KCNC2: variants seen among roughly 807,000 people sequenced by gnomAD.
KCNC2 encodes the protein potassium voltage-gated channel subfamily C member 2.
In KCNC2, 21 loss-of-function variants were observed where a neutral mutation model predicts 44.5. That is an observed-to-expected ratio of 0.47 (90% CI 0.33 to 0.68). The LOEUF (loss-of-function observed/expected upper bound fraction) is 0.68. Among genes scored for constraint, KCNC2 ranks in the 30% least tolerant of loss-of-function variants. The pLI, the probability that KCNC2 is intolerant of heterozygous loss-of-function variation, is 0.01. For missense variants in KCNC2, 589 were observed against 826.2 expected (o/e 0.71, Z 3.52); for synonymous variants, 391 against 339.1 (o/e 1.15, Z -1.68).
chr12:75,127,139 A>C (rs531675329), intron 2 of KCNC2, among the ~76,000 whole-genome samples: 1 of 152,320 alleles, frequency 6.6e-6, no homozygotes, highest in East Asian at 1.9e-4. Context: ...TGGAAATAAC[A>C]GAATACAGTC....
chr12:75,138,569 A>G (rs191536736), intron 2 of KCNC2, among the ~76,000 whole-genome samples: 7 of 152,204 alleles, frequency 4.6e-5, no homozygotes, highest in East Asian at 1.9e-4. Context: ...CCTTGTGTAC[A>G]CTAAAGTTTG....
chr12:75,128,806 C>T (rs1343721760), intron 2 of KCNC2, among the ~76,000 whole-genome samples: 1 of 152,186 alleles, frequency 6.6e-6, no homozygotes, highest in African/African-American at 2.4e-5. Flanking sequence ...GCCCCATTGT[C>T]TCTTGATTCA....
At chr12:75,158,319 A>G (rs1890893639) in intron 2 of KCNC2, among the ~76,000 whole-genome samples, 1 of 151,942 alleles carries the variant, frequency 6.6e-6, no homozygotes, top group African/African-American at 2.4e-5. Context: ...GAAAACAGTT[A>G]TCTGCACAGC....
At chr12:75,091,747 G>T (rs1474571341) in intron 2 of KCNC2, among the ~76,000 whole-genome samples, 4 of 151,218 alleles carry the variant, frequency 2.6e-5, no homozygotes, top group Non-Finnish European at 4.4e-5. Flanking sequence ...AAATGAGTAG[G>T]CACCTATACA....
chr12:75,166,589 A>T (rs1273305642), intron 2 of KCNC2, among the ~76,000 whole-genome samples: 1 of 151,372 alleles, frequency 6.6e-6, no homozygotes, highest in Non-Finnish European at 1.5e-5. Context: ...TAAATCTATA[A>T]GTATTAAAAT....
Position 75,207,382 on chromosome 12 carries a change from G to T in KCNC2, c.602C>A (p.Pro201His). Residue 201 changes from proline (P) to histidine (H), a missense_variant, in exon 2 of 5, where the codon CCC becomes CAC. Pro to His is a moderately conservative substitution (Grantham distance 77). Around this residue, in one of 7 missense-constraint regions of KCNC2, gnomAD observed 97 missense variants for 73.3 expected, o/e 1.32. Coordinates refer to ENST00000549446, the MANE Select transcript of KCNC2 (RefSeq NM_139137.4). This position sits in a 1 kb window ranked among gnomAD's most constrained non-coding sequence, Gnocchi z 4.1. ...CCTCCAGCGGCCAGATTTGCCGTCG[G>T]GGCCCCCGAGCCCCGCCGCGTCCTC... is the stretch of plus-strand genomic sequence containing the variant. ...GIEDAAGLGG[P>H]DGKSGRWRRL... is the part of the protein sequence containing the mutation. 2 of 1,581,166 alleles carry T rather than the reference G, an allele frequency of 1.3e-6. No homozygotes were observed. The highest frequency in any genetic ancestry group is 1.7e-6 in the Non-Finnish European group (2 of 1,165,100).
intron 2 of KCNC2, among the ~76,000 whole-genome samples, chr12:75,137,646 C>T (rs535199457): frequency 3.9e-5 from 6 of 152,162 alleles, no homozygotes; most frequent in Non-Finnish European, 8.8e-5. Context: ...ATGCCAAAAC[C>T]TTTCTATACA....
chr12:75,197,387 A>C (rs771104686), intron 2 of KCNC2, among the ~76,000 whole-genome samples: 10 of 151,560 alleles, frequency 6.6e-5, no homozygotes, highest in Admixed American at 1.3e-4. Context: ...TTTGCTCACT[A>C]CTCCACTGAC....
At chr12:75,074,944 A>T (rs1388437262) in intron 2 of KCNC2, among the ~76,000 whole-genome samples, 2 of 152,184 alleles carry the variant, frequency 1.3e-5, no homozygotes, top group African/African-American at 4.8e-5. Context: ...CAAACTTCAG[A>T]TTATAGAAGT....
At chr12:75,142,444 G>C (rs1253434651) in intron 2 of KCNC2, among the ~76,000 whole-genome samples, 1 of 152,158 alleles carries the variant, frequency 6.6e-6, no homozygotes, top group African/African-American at 2.4e-5. Flanking sequence ...TGAGTAAGTG[G>C]TGTCACTGAT....
At chr12:75,157,355 A>T (rs1216666872) in intron 2 of KCNC2, among the ~76,000 whole-genome samples, 3 of 151,896 alleles carry the variant, frequency 2.0e-5, no homozygotes, top group Non-Finnish European at 4.4e-5. Context: ...AAAGGCTAAA[A>T]GAATCACAGA....
intron 2 of KCNC2, among the ~76,000 whole-genome samples, chr12:75,077,822 T>C (rs1884135234): frequency 6.6e-6 from 1 of 152,140 alleles, no homozygotes; most frequent in South Asian, 2.1e-4. Context: ...TCACTTTGTC[T>C]AGTAACTCTG....
chr12:75,084,959 A>G (rs1884871541), intron 2 of KCNC2, among the ~76,000 whole-genome samples: 1 of 150,856 alleles, frequency 6.6e-6, no homozygotes, highest in Non-Finnish European at 1.5e-5. Context: ...TAATCCATCT[A>G]TCTATCCAAA....
At chr12:75,161,137 G>T (rs984336496) in intron 2 of KCNC2, among the ~76,000 whole-genome samples, 9 of 151,426 alleles carry the variant, frequency 5.9e-5, no homozygotes, top group African/African-American at 1.9e-4. Flanking sequence ...AATTAATGGA[G>T]GTTTAGATAT....
intron 2 of KCNC2, among the ~76,000 whole-genome samples, chr12:75,056,240 C>G (rs1209370956): frequency 1.3e-5 from 2 of 151,958 alleles, no homozygotes; most frequent in South Asian, 2.1e-4. Flanking sequence ...CAGAATCTGC[C>G]TTTTAAAAGT....
chr12:75,096,307 C>T (rs1885919325), intron 2 of KCNC2, among the ~76,000 whole-genome samples: 1 of 151,906 alleles, frequency 6.6e-6, no homozygotes, highest in Non-Finnish European at 1.5e-5. Context: ...GTTCCAGAAA[C>T]TCTTGATTTT....
At chr12:75,157,320 A>T (rs1890829066) in intron 2 of KCNC2, among the ~76,000 whole-genome samples, 2 of 151,910 alleles carry the variant, frequency 1.3e-5, no homozygotes, top group Non-Finnish European at 2.9e-5. Context: ...CTGGAACTCT[A>T]GCAGTCATTT....
intron 2 of KCNC2, among the ~76,000 whole-genome samples, chr12:75,199,558 T>G (rs930990847): frequency 6.6e-6 from 1 of 151,914 alleles, no homozygotes; most frequent in African/African-American, 2.4e-5. Context: ...CATCACATCA[T>G]CTTTGGCTTA....
At chr12:75,067,453 C>A (rs1020965863) in intron 2 of KCNC2, among the ~76,000 whole-genome samples, 1 of 151,980 alleles carries the variant, frequency 6.6e-6, no homozygotes, top group African/African-American at 2.4e-5. Context: ...CCATGATAGA[C>A]CAGTGAACAT....
Sources: allele counts gnomAD v4.1 joint callset (sites outside exome capture counted in the v4.1 genomes callset), GRCh38; gene constraint gnomAD v4.1.1; regional missense constraint gnomAD v4.1.1; non-coding constraint Gnocchi (gnomAD v3.1); transcripts MANE v1.5; gene names NCBI Gene and HGNC (gene_info 2026-07-23, HGNC 2026-07-21).